AGMO: variants seen among roughly 807,000 people sequenced by gnomAD.
AGMO encodes the protein alkylglycerol monooxygenase, also known as glyceryl-ether monooxygenase.
In AGMO, 75 loss-of-function variants were observed where a neutral mutation model predicts 60.2. The ratio of observed to expected loss-of-function variants is 1.25; its 90% confidence interval spans 1.03 to 1.51. AGMO has a LOEUF of 1.51. AGMO is among the 40% of genes most tolerant of loss of function. The pLI is 0.00. For synonymous variants in AGMO, 261 were observed against 177.1 expected (o/e 1.47, Z -3.76); for missense variants, 763 against 525.5 (o/e 1.45, Z -4.42).
intron 3 of AGMO, among the ~76,000 whole-genome samples, chr7:15,447,286 G>A (rs895010081): frequency 6.6e-6 from 1 of 152,060 alleles, no homozygotes; most frequent in Non-Finnish European, 1.5e-5. Context: ...GTTAATAATA[G>A]CAATTGTCAG....
At chr7:15,475,449 C>T (rs1053875837) in intron 3 of AGMO, among the ~76,000 whole-genome samples, 1 of 151,908 alleles carries the variant, frequency 6.6e-6, no homozygotes, top group Non-Finnish European at 1.5e-5. Context: ...GAACAGAAAA[C>T]CAAACACCGC....
In AGMO at chr7:15,391,451, C is replaced by A. The variant is rs558879244; in HGVS notation, c.677-546G>T. ...CTCATATCATATGTATTTTTCCTGC[C>A]GCTAAATAATTATAATGCAAATAGC... On this transcript the variant is annotated intron_variant, in intron 6 of 12. Coordinates refer to ENST00000342526, the MANE Select transcript of AGMO (RefSeq NM_001004320.2). Among the ~76,000 whole-genome samples the A allele has an allele frequency of 1.6e-3, 246 of 151,810 alleles. 1 individual carries two copies. The highest frequency in any genetic ancestry group is 5.4e-3 in the African/African-American group (223 of 41,348).
intron 12 of AGMO, among the ~76,000 whole-genome samples, chr7:15,329,457 T>A (rs1056883104): frequency 7.9e-5 from 12 of 152,304 alleles, no homozygotes; most frequent in Admixed American, 7.8e-4. Context: ...AAATTGTCTA[T>A]CCTTGTGTGG....
chr7:15,527,782 T>A (rs1488090182), intron 3 of AGMO, among the ~76,000 whole-genome samples: 1 of 152,122 alleles, frequency 6.6e-6, no homozygotes, highest in African/African-American at 2.4e-5. Flanking sequence ...CATTTACCAT[T>A]CCAAATATTG....
chr7:15,182,316 C>G, the AGMO span, among the ~76,000 whole-genome samples: 159 of 152,192 alleles, frequency 1.0e-3, no homozygotes, highest in Non-Finnish European at 2.0e-3. Flanking sequence ...CATTTAATGC[C>G]ACAGAACTGT....
chr7:15,192,640 A>G, the AGMO span, among the ~76,000 whole-genome samples: 10,476 of 152,162 alleles, frequency 0.069, 1,129 homozygotes, highest in African/African-American at 0.23. Flanking sequence ...CTGACTCTCC[A>G]CTGAGCTGAT....
the AGMO span, among the ~76,000 whole-genome samples, chr7:15,119,128 A>G: frequency 2.0e-5 from 3 of 151,832 alleles, no homozygotes; most frequent in Admixed American, 2.0e-4. Flanking sequence ...GGCATCTGAT[A>G]TGGTTTAGAT....
chr7:15,247,804 T>C (rs1353959565), intron 12 of AGMO, among the ~76,000 whole-genome samples: 1 of 151,896 alleles, frequency 6.6e-6, no homozygotes, highest in Non-Finnish European at 1.5e-5. Context: ...CACCAAACCA[T>C]ACTAGACAAT....
intron 3 of AGMO, among the ~76,000 whole-genome samples, chr7:15,509,569 T>C (rs1179558087): frequency 1.3e-5 from 2 of 151,944 alleles, no homozygotes; most frequent in Admixed American, 6.6e-5. Flanking sequence ...GAAACAATAG[T>C]AAAAATAAAC....
intron 5 of AGMO, among the ~76,000 whole-genome samples, chr7:15,400,167 C>T (rs1009985402): frequency 6.6e-6 from 1 of 152,300 alleles, no homozygotes; most frequent in Non-Finnish European, 1.5e-5. Flanking sequence ...ATTGCTTACA[C>T]ATCGTGATTG....
chr7:15,533,320 C>T lies in AGMO; in HGVS notation c.409+11452G>A, dbSNP rs988544635. ...ATGGTGTTTGTTGCATTTTCATTTG[C>T]CATTTTTCTTATGATATTTATTTAG... On this transcript the variant is annotated intron_variant, in intron 3 of 12. Coordinates refer to ENST00000342526, the MANE Select transcript of AGMO (RefSeq NM_001004320.2). Among the ~76,000 whole-genome samples the T allele has an allele frequency of 7.9e-5, 12 of 151,988 alleles. No individual in the cohort carries two copies. In the South Asian group the frequency reaches 1.0e-3, roughly 13 times the overall value.
chr7:15,389,179 T>C (rs979422729), intron 8 of AGMO, among the ~76,000 whole-genome samples: 2 of 152,154 alleles, frequency 1.3e-5, no homozygotes, highest in Admixed American at 1.3e-4. Context: ...GAGGCTTGTT[T>C]AGAAAACACA....
chr7:15,221,831 C>T (rs1781932741), intron 12 of AGMO, among the ~76,000 whole-genome samples: 1 of 152,102 alleles, frequency 6.6e-6, no homozygotes, highest in Admixed American at 6.6e-5. Context: ...ATTGCAGTAT[C>T]CGTGAACTAG....
At chr7:15,360,246 A>C (rs1387914469) in intron 12 of AGMO, among the ~76,000 whole-genome samples, 1 of 152,212 alleles carries the variant, frequency 6.6e-6, no homozygotes, top group Non-Finnish European at 1.5e-5. Flanking sequence ...AATTAAAATA[A>C]CTACAAGCTT....
chr7:15,267,641 A>G lies in AGMO; in HGVS notation c.1264-66282T>C, dbSNP rs1190151107. ...TTACTATGGTACTATATTCTCAATT[A>G]GTAGGGCACACAGCTTCTACCCATT... On this transcript the variant is annotated intron_variant, in intron 12 of 12. Coordinates refer to ENST00000342526, the MANE Select transcript of AGMO (RefSeq NM_001004320.2). 2.2e-4 allele frequency among the ~76,000 whole-genome samples: 34 copies of G among 151,958 alleles called. 1 individual carries two copies. Among genetic ancestry groups the G allele is most frequent in the Admixed American group, 2.2e-3 (34 of 15,216 alleles).
rs1783090476 is a variant in AGMO, at chr7:15,256,028, G to GA, written c.1264-54670dup. ...CATCAATTCAATGCCGTGGTATAGT[G>GA]AAAAGATTATTACAGCTAAAATACT... On this transcript the variant is annotated intron_variant, in intron 12 of 12. Transcript: ENST00000342526. Among the ~76,000 whole-genome samples the GA allele has an allele frequency of 2.0e-5, 3 of 152,198 alleles. No individual in the cohort carries two copies. The South Asian group carries it at 6.2e-4, about 31-fold the overall frequency.
chr7:15,418,777 T>G (rs1780851145), intron 4 of AGMO, 124 bp from the exon 5 acceptor site: 1 of 607,236 alleles, frequency 1.6e-6, no homozygotes, highest in Non-Finnish European at 2.8e-6. Context: ...ACTGTATATT[T>G]TATTGCCATG....
At chr7:15,542,779 A>G (rs1784666097) in intron 3 of AGMO, among the ~76,000 whole-genome samples, 1 of 152,186 alleles carries the variant, frequency 6.6e-6, no homozygotes, top group African/African-American at 2.4e-5. Flanking sequence ...CTTTGCATTT[A>G]TATATGAGGA....
chr7:15,493,455 G>C (rs1783130227), intron 3 of AGMO, among the ~76,000 whole-genome samples: 1 of 136,582 alleles, frequency 7.3e-6, no homozygotes, highest in Non-Finnish European at 1.5e-5. Context: ...CTCACTGCAA[G>C]CTCCGCCTCC....
Sources: gnomAD v4.1 joint callset for allele counts (sites outside exome capture counted in the v4.1 genomes callset) on GRCh38, gnomAD v4.1.1 for gene constraint, MANE v1.5 for transcripts, NCBI Gene and HGNC (gene_info 2026-07-23, HGNC 2026-07-21) for gene names.